The following LDLRAD3 variants were observed in gnomAD, a reference collection of about 807,000 sequenced individuals.
LDLRAD3 encodes the protein low density lipoprotein receptor class A domain containing 3.
Under a neutral mutation model 29.4 loss-of-function variants are expected in LDLRAD3, and 20 were observed. The ratio of observed to expected loss-of-function variants is 0.68; its 90% confidence interval spans 0.48 to 0.99. The LOEUF (loss-of-function observed/expected upper bound fraction) is 0.99. LDLRAD3 is among the 50% of genes least tolerant of loss of function. The pLI is 0.00. For synonymous variants in LDLRAD3, 157 were observed against 192.7 expected (o/e 0.81, Z 1.53); for missense variants, 420 against 454.3 (o/e 0.92, Z 0.69).
At chr11:35,972,663 A>C (rs961965629) in intron 1 of LDLRAD3, 1 of 152,246 alleles carries the variant, frequency 6.6e-6, no homozygotes, top group African/African-American at 2.4e-5. Flanking sequence ...AAACTGTAGC[A>C]TACCATGCAT....
chr11:36,020,458 T>C (rs1852081896), intron 1 of LDLRAD3, among the ~76,000 whole-genome samples: 1 of 152,174 alleles, frequency 6.6e-6, no homozygotes, highest in Admixed American at 6.5e-5. Context: ...ACAAAATGTT[T>C]ATAGTATTTT....
At position 36,108,319 on chromosome 11, in the gene LDLRAD3, C is replaced by CAAAAAAAAAAA. The variant is rs60376519; in HGVS notation, c.454+9877_454+9887dup. ...TGGGTGACAGAGCGAGACTCCATCT[C>CAAAAAAAAAAA]AAAAAAAAAAAAAAAAAAAAAAAAA... On this transcript the variant is annotated intron_variant, in intron 4 of 5. Coordinates refer to ENST00000315571, the MANE Select transcript of LDLRAD3 (RefSeq NM_174902.4). 3.7e-4 allele frequency among the ~76,000 whole-genome samples: 18 copies of CAAAAAAAAAAA among 48,982 alleles called. 1 individual carries two copies. The highest frequency in any genetic ancestry group is 7.6e-4 in the Admixed American group (2 of 2,618). 32.1% of individuals were successfully genotyped at this position (48,982 alleles called of 152,430 possible).
intron 3 of LDLRAD3, among the ~76,000 whole-genome samples, chr11:36,082,035 A>G (rs1431059017): frequency 2.6e-5 from 4 of 152,228 alleles, no homozygotes; most frequent in African/African-American, 7.2e-5. Flanking sequence ...GCAAATGCAG[A>G]TGTATTATCC....
intron 4 of LDLRAD3, among the ~76,000 whole-genome samples, chr11:36,104,720 A>T (rs1853501764): frequency 6.6e-6 from 1 of 152,118 alleles, no homozygotes; most frequent in Admixed American, 6.5e-5. Context: ...TGAGGAACAC[A>T]TAGTTTGTTC....
intron 2 of LDLRAD3, among the ~76,000 whole-genome samples, chr11:36,061,142 C>CT (rs1029843174): frequency 6.6e-6 from 1 of 151,298 alleles, no homozygotes; most frequent in Non-Finnish European, 1.5e-5. Context: ...ATGAGGAAAT[C>CT]TTTTTTTTTC....
intron 1 of LDLRAD3, among the ~76,000 whole-genome samples, chr11:35,965,493 A>T (rs1042098158): frequency 3.3e-5 from 5 of 152,040 alleles, no homozygotes; most frequent in African/African-American, 1.2e-4. Flanking sequence ...GGGCCATGGG[A>T]GGGTGTAGGT....
chr11:36,069,011 A>G (rs1027654753), intron 2 of LDLRAD3, among the ~76,000 whole-genome samples: 4 of 151,824 alleles, frequency 2.6e-5, no homozygotes, highest in Non-Finnish European at 4.4e-5. Context: ...TTGCTCTTTC[A>G]CTCCCCAGTG....
At chr11:36,105,238 T>TGTGTGTGTGTGTGTGTGAGAGA (rs1343780985) in intron 4 of LDLRAD3, among the ~76,000 whole-genome samples, 10 of 128,424 alleles carry the variant, frequency 7.8e-5, no homozygotes, top group East Asian at 5.0e-4. Context: ...TGTGTGTGTG[T>TGTGTGTGTGTGTGTGTGAGAGA]GAGAGAGAGA....
At chr11:36,142,430 C>T (rs1166182741) in intron 4 of LDLRAD3, among the ~76,000 whole-genome samples, 1 of 152,200 alleles carries the variant, frequency 6.6e-6, no homozygotes, top group Non-Finnish European at 1.5e-5. Flanking sequence ...AGGTTGAATT[C>T]TTACTAGGAC....
chr11:36,114,160 T>C (rs1306926609), intron 4 of LDLRAD3, among the ~76,000 whole-genome samples: 2 of 152,184 alleles, frequency 1.3e-5, no homozygotes, highest in Non-Finnish European at 2.9e-5. Flanking sequence ...TTTTTTGCAC[T>C]GATCAACACC....
intron 4 of LDLRAD3, among the ~76,000 whole-genome samples, chr11:36,220,685 G>C (rs1162523588): frequency 7.2e-5 from 11 of 152,184 alleles, no homozygotes; most frequent in Admixed American, 6.5e-4. Flanking sequence ...CCGGAAAAAA[G>C]TGAATCTATT....
At chr11:36,039,529 A>G (rs1852353919) in intron 2 of LDLRAD3, among the ~76,000 whole-genome samples, 2 of 151,068 alleles carry the variant, frequency 1.3e-5, no homozygotes, top group African/African-American at 5.0e-5. Flanking sequence ...TTTAACCTGT[A>G]TGAAGCACGC....
chr11:36,053,725 A>G (rs1852563499), intron 2 of LDLRAD3, among the ~76,000 whole-genome samples: 1 of 152,158 alleles, frequency 6.6e-6, no homozygotes, highest in South Asian at 2.1e-4. Context: ...TAATTTTTAG[A>G]TGATGCCATT....
chr11:35,970,084 G>A (rs981289610), intron 1 of LDLRAD3, among the ~76,000 whole-genome samples: 12 of 152,182 alleles, frequency 7.9e-5, no homozygotes, highest in African/African-American at 2.7e-4. Context: ...AGTGCTTACT[G>A]TGTGCTCCGG....
At chr11:36,108,172 T>G (rs1853556052) in intron 4 of LDLRAD3, among the ~76,000 whole-genome samples, 1 of 151,490 alleles carries the variant, frequency 6.6e-6, no homozygotes. Context: ...AAAACAAAAT[T>G]AGCTGGGCGT....
chr11:36,066,200 G>A (rs1281759184), intron 2 of LDLRAD3, among the ~76,000 whole-genome samples: 1 of 150,412 alleles, frequency 6.6e-6, no homozygotes, highest in Admixed American at 6.6e-5. Context: ...TGCTTGTTAG[G>A]AGTCATCCCT....
chr11:36,072,163 T>A (rs963934769), intron 2 of LDLRAD3, among the ~76,000 whole-genome samples: 2 of 152,110 alleles, frequency 1.3e-5, no homozygotes, highest in African/African-American at 4.8e-5. Context: ...TGAGTAGCTG[T>A]TGCTCATTTG....
intron 2 of LDLRAD3, among the ~76,000 whole-genome samples, chr11:36,046,823 G>C (rs1427640858): frequency 6.6e-6 from 1 of 152,154 alleles, no homozygotes; most frequent in Non-Finnish European, 1.5e-5. Flanking sequence ...CTCTGCCTTT[G>C]TAGCATGGTG....
intron 4 of LDLRAD3, among the ~76,000 whole-genome samples, chr11:36,175,806 T>C (rs954524367): frequency 6.6e-6 from 1 of 152,230 alleles, no homozygotes. Flanking sequence ...GAATGTTCTG[T>C]ACATATCTGT....
Sources: allele counts gnomAD v4.1 joint callset (sites outside exome capture counted in the v4.1 genomes callset), GRCh38; gene constraint gnomAD v4.1.1; transcripts MANE v1.5; gene names NCBI Gene and HGNC (gene_info 2026-07-23, HGNC 2026-07-21).